Variants in SIK2 observed in about 807,000 individuals in gnomAD.
SIK2 encodes the protein serine/threonine-protein kinase SIK2.
SIK2 carries 29 observed loss-of-function variants against 103.2 expected under a neutral mutation model. That is an observed-to-expected ratio of 0.28 (90% CI 0.21 to 0.38). The LOEUF (loss-of-function observed/expected upper bound fraction) is 0.38. SIK2 is among the 10% of genes least tolerant of loss of function. The pLI is 1.00. For synonymous variants in SIK2, 412 were observed against 446.1 expected (o/e 0.92, Z 0.96); for missense variants, 879 against 1,171.0 (o/e 0.75, Z 3.64).
At chr11:111,674,193 C>T (rs1012563891) in intron 3 of SIK2, among the ~76,000 whole-genome samples, 1 of 152,042 alleles carries the variant, frequency 6.6e-6, no homozygotes, top group Non-Finnish European at 1.5e-5. Flanking sequence ...GTGTTTTTAA[C>T]GTTAGTCCAT....
chr11:111,654,386 GA>G (rs1354431206), intron 3 of SIK2, among the ~76,000 whole-genome samples: 1 of 152,114 alleles, frequency 6.6e-6, no homozygotes, highest in African/African-American at 2.4e-5. Flanking sequence ...TTGGAATGTA[GA>G]CTACTTCAAG....
intron 9 of SIK2, among the ~76,000 whole-genome samples, chr11:111,714,982 G>C (rs1016356085): frequency 6.6e-5 from 10 of 152,222 alleles, no homozygotes; most frequent in African/African-American, 2.4e-4. Context: ...AGGGCATCAG[G>C]CCTAAAACAC....
chr11:111,657,631 C>A (rs181001873), intron 3 of SIK2, among the ~76,000 whole-genome samples: 1 of 152,174 alleles, frequency 6.6e-6, no homozygotes, highest in Non-Finnish European at 1.5e-5. Flanking sequence ...TCAAGCGATC[C>A]GCCTGCCCTG....
chr11:111,686,298 A>G (rs1180633052), intron 3 of SIK2, among the ~76,000 whole-genome samples: 1 of 152,124 alleles, frequency 6.6e-6, no homozygotes, highest in Non-Finnish European at 1.5e-5. Context: ...AAATTTAGCC[A>G]GGCGTGGTGG....
chr11:111,723,835 TCCA>T lies in SIK2; in HGVS notation c.2495_2497del (p.Pro832del), dbSNP rs776619246. The T allele has an allele frequency of 2.7e-5, 25 of 911,474 alleles. No individual in the cohort carries two copies. The highest frequency in any genetic ancestry group is 4.2e-5 in the African/African-American group (2 of 47,330). 56.5% of individuals were successfully genotyped at this position (911,474 alleles called of 1,614,324 possible). On this transcript the variant is annotated inframe_deletion, in exon 15 of 15. Transcript: ENST00000304987. ...AGCAGCCGCCACCGCCACCACCCCCTCCACCACCACGACAGCCAGGAGCTGCCC... is the reference window on the plus strand; with the variant it reads ...AGCAGCCGCCACCGCCACCACCCCCTCCACCACGACAGCCAGGAGCTGCCC...
intron 3 of SIK2, among the ~76,000 whole-genome samples, chr11:111,656,772 C>G (rs1168280359): frequency 6.6e-6 from 1 of 152,168 alleles, no homozygotes; most frequent in Non-Finnish European, 1.5e-5. Flanking sequence ...TACTCGTAAG[C>G]TAGTTGCCCA....
At chr11:111,666,585 T>A (rs192799089) in intron 3 of SIK2, among the ~76,000 whole-genome samples, 1 of 152,234 alleles carries the variant, frequency 6.6e-6, no homozygotes, top group Admixed American at 6.5e-5. Context: ...TTGTTTTGTT[T>A]TGTGGCACTA....
intron 2 of SIK2, among the ~76,000 whole-genome samples, chr11:111,617,136 G>T (rs909206515): frequency 6.6e-6 from 1 of 151,994 alleles, no homozygotes; most frequent in Non-Finnish European, 1.5e-5. Context: ...AAGCCATGGG[G>T]TTTTTTGTCA....
chr11:111,696,777 T>A (rs1433276605), intron 4 of SIK2, among the ~76,000 whole-genome samples: 1 of 152,244 alleles, frequency 6.6e-6, no homozygotes, highest in East Asian at 1.9e-4. Context: ...GGAATGCTGA[T>A]GTTTAATGAA....
At chr11:111,609,047 G>T (rs977041699) in intron 1 of SIK2, among the ~76,000 whole-genome samples, 8 of 149,660 alleles carry the variant, frequency 5.3e-5, no homozygotes, top group African/African-American at 2.0e-4. Flanking sequence ...TTTACATTTT[G>T]TTACTTCAAT....
At chr11:111,626,668 TTTTA>T (rs138705428) in intron 3 of SIK2, among the ~76,000 whole-genome samples, 8,953 of 151,398 alleles carry the variant, frequency 0.059, 370 homozygotes, top group Non-Finnish European at 0.092. Context: ...ATCATGTTGC[TTTTA>T]TTTATTTTCT....
chr11:111,726,991 C>T lies in SIK2; in HGVS notation c.*2862C>T, dbSNP rs1435280640. 2 of 1,614,118 alleles carry T rather than the reference C, an allele frequency of 1.2e-6. No homozygotes were observed. Among genetic ancestry groups the T allele is most frequent in the East Asian group, 4.5e-5 (2 of 44,892 alleles). ...TAGTCTGTGCTTTGGGAGAAATGCA[C>T]TAGCTCTGCAATTCCCAGCTGGGCA... is the stretch of plus-strand genomic sequence containing the variant. On this transcript the variant is annotated 3_prime_UTR_variant, in exon 15 of 15. Transcript: ENST00000304987.
intron 3 of SIK2, among the ~76,000 whole-genome samples, chr11:111,638,855 T>C (rs1163695256): frequency 3.3e-5 from 5 of 152,196 alleles, no homozygotes; most frequent in Non-Finnish European, 7.4e-5. Flanking sequence ...CTTGGTATGT[T>C]TAATTTTTTG....
In SIK2 at chr11:111,701,276, T is replaced by C. The variant is rs548866413; in HGVS notation, c.604-176T>C. On this transcript the variant is annotated intron_variant, in intron 5 of 14. Transcript: ENST00000304987. The surrounding 1 kb of genome is among the most constrained non-coding windows in gnomAD (Gnocchi z 4.2). ...GATTCAAATTCTTTGGTATTTATTA[T>C]AAGATACTTATTGTAGTAGTCAGGG... Among the ~76,000 whole-genome samples the C allele has an allele frequency of 1.4e-4, 21 of 152,338 alleles. No individual in the cohort carries two copies. The highest frequency in any genetic ancestry group is 4.8e-4 in the African/African-American group (20 of 41,582).
In SIK2 at chr11:111,722,214, A is replaced by T. The variant is rs1943823169; in HGVS notation, c.2055+274A>T. Among the ~76,000 whole-genome samples the T allele has an allele frequency of 6.6e-6, 1 of 152,198 alleles. No individual in the cohort carries two copies. Among genetic ancestry groups the T allele is most frequent in the East Asian group, 1.9e-4 (1 of 5,202 alleles). On this transcript the variant is annotated intron_variant, in intron 13 of 14. Coordinates refer to ENST00000304987, the MANE Select transcript of SIK2 (RefSeq NM_015191.3). The surrounding 1 kb of genome is among the most constrained non-coding windows in gnomAD (Gnocchi z 4.4). Reference sequence around the variant, plus strand: ...GGGAGACCTGGCTTCTTTCTTTCTAATTGTATTCCTCTTAATGAGTAACAA... The same window carrying T: ...GGGAGACCTGGCTTCTTTCTTTCTATTTGTATTCCTCTTAATGAGTAACAA...
Position 111,720,905 on chromosome 11 carries a change from T to C in SIK2, c.1787T>C (p.Val596Ala). Reference protein sequence around the residue: ...ASDTSLTQGIVAFRQHLQNLA... With the variant: ...ASDTSLTQGIAAFRQHLQNLA... ...TCTTGGTGCTTTCTTTCAGGAATTG[T>C]AGCATTTAGACAACATCTTCAGAAT... Residue 596 changes from valine to alanine, a missense_variant, in exon 12 of 15, where the codon GTA (valine) becomes GCA (alanine). By Grantham distance (64) the Val-to-Ala change is moderately conservative. Around this residue, in one of 7 missense-constraint regions of SIK2, gnomAD observed 375 missense variants for 416.3 expected, o/e 0.90. Coordinates refer to ENST00000304987, the MANE Select transcript of SIK2 (RefSeq NM_015191.3). The C allele has an allele frequency of 6.2e-7, 1 of 1,613,502 alleles. No individual in the cohort carries two copies. Among genetic ancestry groups the C allele is most frequent in the Non-Finnish European group, 8.5e-7 (1 of 1,179,798 alleles).
rs141715997 is a variant in SIK2 at position 111,686,418 on chromosome 11, G to T, written c.317-1583G>T. ...ATTACACCACTGCACTCCAGCCTAG[G>T]CGACAGACAAGACTCTGTCTCGAAA... On this transcript the variant is annotated intron_variant, in intron 3 of 14. Transcript: ENST00000304987. Among the ~76,000 whole-genome samples the T allele has an allele frequency of 3.1e-3, 477 of 152,224 alleles. 3 individuals are homozygous for T. The highest frequency in any genetic ancestry group is 0.011 in the African/African-American group (455 of 41,538).
chr11:111,662,129 C>T (rs1401553664), intron 3 of SIK2, among the ~76,000 whole-genome samples: 8 of 152,118 alleles, frequency 5.3e-5, no homozygotes, highest in Admixed American at 5.2e-4. Flanking sequence ...ATTATGAAAG[C>T]AGTGTTTTAG....
intron 3 of SIK2, among the ~76,000 whole-genome samples, chr11:111,686,320 A>G (rs1942845449): frequency 6.6e-6 from 1 of 152,164 alleles, no homozygotes; most frequent in Non-Finnish European, 1.5e-5. Flanking sequence ...GTGCACCTGT[A>G]GTCCCAGTTA....
Sources: gnomAD v4.1 joint callset for allele counts (sites outside exome capture counted in the v4.1 genomes callset) on GRCh38, gnomAD v4.1.1 for gene constraint, gnomAD v4.1.1 regional missense constraint, Gnocchi (gnomAD v3.1) non-coding constraint, MANE v1.5 for transcripts, NCBI Gene and HGNC (gene_info 2026-07-23, HGNC 2026-07-21) for gene names.